CPNE7: variants seen among roughly 807,000 people sequenced by gnomAD.
CPNE7 encodes copine 7.
In CPNE7, 78 loss-of-function variants were observed where a neutral mutation model predicts 66.5. That is an observed-to-expected ratio of 1.17 (90% confidence interval 0.98 to 1.42). The LOEUF (loss-of-function observed/expected upper bound fraction) is 1.42, where lower values mean the gene tolerates loss of function less well. CPNE7 is among the 40% of genes most tolerant of loss of function. The probability of loss-of-function intolerance (pLI) is 0.00; values close to 1 mark genes in which losing one functional copy is unlikely to be tolerated. For missense variants in CPNE7, 1,012 were observed against 776.6 expected, an observed-to-expected ratio of 1.30 and a Z score of -3.60; for synonymous variants, 468 against 336.7, an observed-to-expected ratio of 1.39 and a Z score of -4.27.
intron 7 of CPNE7, among the ~76,000 whole-genome samples, chr16:89,586,391 G>T (rs889337358): frequency 5.3e-5 from 8 of 150,546 alleles, no homozygotes; most frequent in African/African-American, 1.9e-4. Flanking sequence ...GGGTGCAGTG[G>T]GGAGGCCACC....
At chr16:89,591,299 G>C in intron 13 of CPNE7, 39 bp downstream of exon 13, 1 of 1,521,014 alleles carries the variant, frequency 6.6e-7, no homozygotes, top group Non-Finnish European at 8.8e-7. Context: ...TTGGTGTGGG[G>C]TCGGCTGTGT....
In CPNE7 at chr16:89,590,956, G is replaced by A. The variant is rs781180669; in HGVS notation, c.1117-51G>A. 1.5e-5 allele frequency: 24 copies of A among 1,607,120 alleles called. No individual in the cohort carries two copies. The South Asian group carries it at 2.6e-4, about 18-fold the overall frequency. ...CAGCTGACCGAGGGACATGGGGCCA[G>A]TGGGGTGTGTTGCAACGAGCAGCTG... On this transcript the variant is annotated intron_variant, in intron 11 of 14. Coordinates refer to ENST00000319518, the MANE Select transcript of CPNE7 (RefSeq NM_153636.3).
intron 8 of CPNE7, 118 bp downstream of exon 8, chr16:89,586,874 G>A: frequency 8.8e-7 from 1 of 1,134,762 alleles, no homozygotes; most frequent in Admixed American, 1.9e-5. Flanking sequence ...CGTCTGGGGA[G>A]GGGCTGAGAG....
intron 2 of CPNE7, among the ~76,000 whole-genome samples, chr16:89,582,899 C>T (rs939421013): frequency 1.3e-5 from 2 of 152,270 alleles, no homozygotes; most frequent in Non-Finnish European, 2.9e-5. Flanking sequence ...GAGATGACGG[C>T]CACCCCGCTT....
At chr16:89,585,025 G>T (rs2059013494) in intron 5 of CPNE7, among the ~76,000 whole-genome samples, 168 bp downstream of exon 5, 1 of 151,988 alleles carries the variant, frequency 6.6e-6, no homozygotes, top group Non-Finnish European at 1.5e-5. Context: ...CAGGCGCAGG[G>T]CCCTGGGGGC....
At chr16:89,587,678 G>A (rs1244915370) in intron 9 of CPNE7, 15 of 398,500 alleles carry the variant, frequency 3.8e-5, no homozygotes, top group Non-Finnish European at 6.7e-5. Flanking sequence ...CAGACCCCGC[G>A]TCACCCATAG....
chr16:89,578,960 C>T, intron 2 of CPNE7: 2 of 1,611,416 alleles, frequency 1.2e-6, no homozygotes, highest in Non-Finnish European at 1.7e-6. Flanking sequence ...ACGGAATCCT[C>T]ACACCTTGCC....
At chr16:89,588,520 G>A (rs956911833) in intron 9 of CPNE7, among the ~76,000 whole-genome samples, 155 bp from the exon 10 acceptor site, 5 of 152,120 alleles carry the variant, frequency 3.3e-5, no homozygotes, top group Admixed American at 3.3e-4. Context: ...CTGTGTAGCA[G>A]GTGGGTCAGC....
intron 13 of CPNE7, among the ~76,000 whole-genome samples, chr16:89,594,642 CTTTTTTTTTTTTTTTTT>C (rs57032352): frequency 4.6e-5 from 4 of 86,894 alleles, no homozygotes; most frequent in Non-Finnish European, 4.5e-5. Flanking sequence ...TCCATTCTGC[CTTTTTTTTTTTTTTTTT>C]TTTTTTTTTT....
At chr16:89,577,764 G>C in intron 2 of CPNE7, 43 bp downstream of exon 2, 1 of 1,542,154 alleles carries the variant, frequency 6.5e-7, no homozygotes, top group Non-Finnish European at 8.7e-7. Flanking sequence ...CGGTTGGCGT[G>C]GGGGCCACAG....
Position 89,575,830 on chromosome 16 carries a change from C to T in CPNE7, c.-68C>T, listed in dbSNP as rs1465218978. 1.4e-5 allele frequency: 15 copies of T among 1,093,102 alleles called. No individual in the cohort carries two copies. The highest frequency in any genetic ancestry group is 1.7e-5 in the Non-Finnish European group (15 of 893,480). The allele number at this position is 1,093,102 out of a possible 1,614,324, so 67.7% of individuals were successfully genotyped here. A position where few individuals can be genotyped will look rare whatever the true frequency, so the allele number is the denominator to read the frequency against. On this transcript the variant is annotated 5_prime_UTR_variant, in exon 1 of 15. Coordinates refer to ENST00000319518, the MANE Select transcript of CPNE7 (RefSeq NM_153636.3). ...GGGCCGGCCACCATTTCCCGGGCGC[C>T]GCGGCGGCGCCGACTCGCGGGCAGC...
intron 13 of CPNE7, among the ~76,000 whole-genome samples, chr16:89,591,942 A>G (rs902409873): frequency 6.8e-6 from 1 of 147,506 alleles, no homozygotes; most frequent in South Asian, 2.1e-4. Context: ...CTCATGATCC[A>G]CCCGCCTCGG....
At position 89,587,193 on chromosome 16, in the gene CPNE7, C is replaced by CG. The variant is rs1468891541; in HGVS notation, c.927+91_927+92insG. The CG allele has an allele frequency of 5.1e-5, 28 of 553,390 alleles. No individual in the cohort carries two copies. In the African/African-American group the frequency reaches 7.9e-4, roughly 16 times the overall value. 34.3% of individuals were successfully genotyped at this position (553,390 alleles called of 1,614,324 possible). A position where few individuals can be genotyped will look rare whatever the true frequency, so the allele number is the denominator to read the frequency against. On this transcript the variant is annotated intron_variant, in intron 9 of 14. Coordinates refer to ENST00000319518, the MANE Select transcript of CPNE7 (RefSeq NM_153636.3). ...AGTCCGTGGCCCCGCCCCTCCCCGC[C>CG]CCCTCAGTCTGTGGCCCCGCCCATC... is the stretch of plus-strand genomic sequence containing the variant.
intron 5 of CPNE7, among the ~76,000 whole-genome samples, chr16:89,585,141 G>A (rs1182617922): frequency 6.6e-6 from 1 of 152,238 alleles, no homozygotes; most frequent in African/African-American, 2.4e-5. Flanking sequence ...GCGACGGCAG[G>A]GAGAGAGTGC....
chr16:89,591,024 C>T lies in CPNE7; in HGVS notation c.1134C>T (p.Ala378=). 6.2e-7 allele frequency: 1 copy of T among 1,613,678 alleles called. No homozygotes were observed. Among genetic ancestry groups the T allele is most frequent in the Non-Finnish European group, 8.5e-7 (1 of 1,179,880 alleles). The change falls in exon 12 of 15, where the codon GCC becomes GCT. Residue 378 remains alanine (A), a synonymous_variant. Transcript: ENST00000319518. ...PPKYEVSHDF[A]INFNPEDDEC... ...CCACCCAGGTGTCCCATGACTTTGC[C>T]ATCAATTTCAACCCTGAGGACGATG... is the stretch of plus-strand genomic sequence containing the variant.
Position 89,584,811 on chromosome 16 carries a change from A to G in CPNE7, c.545A>G (p.Tyr182Cys). ...AAGTCCGACCCCTTCCTGGAGCTCT[A>G]CAGGGTCAACGACGACCAGGGCTTG... Reference protein sequence around the residue: ...FSKSDPFLELYRVNDDQGLQL... With the variant: ...FSKSDPFLELCRVNDDQGLQL... The change falls in exon 5 of 15, where the codon TAC becomes TGC. Residue 182 changes from tyrosine (Y) to cysteine (C), a missense_variant. Physicochemically the swap from Tyr to Cys is radical, Grantham distance 194. Transcript: ENST00000319518. This position sits in a 1 kb window ranked among gnomAD's most constrained non-coding sequence, Gnocchi z 6.0. 6.2e-7 allele frequency: 1 copy of G among 1,613,602 alleles called. No individual in the cohort carries two copies.
In CPNE7 at chr16:89,587,759, GCGTGTCAC is replaced by G. The variant is rs1567960948; in HGVS notation, c.927+659_927+666del. On this transcript the variant is annotated intron_variant, in intron 9 of 14. Transcript: ENST00000319518. ...CAGATACACGGCCCCCGTGTCACCC[GCGTGTCAC>G]CCACAGAAACACGGCCCCCGTGTCA... 6.2e-4 allele frequency: 27 copies of G among 43,328 alleles called. 1 individual carries two copies. The highest frequency in any genetic ancestry group is 0.01 in the Middle Eastern group (1 of 100). 2.7% of individuals were successfully genotyped at this position (43,328 alleles called of 1,614,324 possible).
intron 10 of CPNE7, among the ~76,000 whole-genome samples, chr16:89,589,344 G>A (rs575322387): frequency 2.0e-5 from 3 of 152,176 alleles, no homozygotes; most frequent in East Asian, 1.9e-4. Flanking sequence ...GGAGGCTGCC[G>A]CATAGACTCT....
Position 89,595,231 on chromosome 16 carries a change from GC to G in CPNE7, c.1303-135del, listed in dbSNP as rs1317455182. ...GTTGTTCGTGATGTTTGTGATGTAG[GC>G]ATCACACTCTGAAGGCGGTTCTAGG... On this transcript the variant is annotated intron_variant, in intron 13 of 14. Coordinates refer to ENST00000319518, the MANE Select transcript of CPNE7 (RefSeq NM_153636.3). 3 of 669,686 alleles carry G rather than the reference GC, an allele frequency of 4.5e-6. No individual in the cohort carries two copies. The African/African-American group carries it at 5.5e-5, about 12-fold the overall frequency. 41.5% of individuals were successfully genotyped at this position (669,686 alleles called of 1,614,324 possible). A position where few individuals can be genotyped will look rare whatever the true frequency, so the allele number is the denominator to read the frequency against.
Sources: allele counts gnomAD v4.1 joint callset (sites outside exome capture counted in the v4.1 genomes callset), GRCh38; gene constraint gnomAD v4.1.1; non-coding constraint Gnocchi (gnomAD v3.1); transcripts MANE v1.5; gene names NCBI Gene and HGNC (gene_info 2026-07-23, HGNC 2026-07-21).